Variants in TIAM1 observed in about 807,000 individuals in gnomAD.
TIAM1 encodes the protein TIAM Rac1 associated GEF 1, also known as rho guanine nucleotide exchange factor TIAM1.
Under a neutral mutation model 163.5 loss-of-function variants are expected in TIAM1, and 65 were observed. The ratio of observed to expected loss-of-function variants is 0.40; its 90% CI spans 0.33 to 0.49. TIAM1 has a LOEUF of 0.49. TIAM1 is among the 20% of genes least tolerant of loss of function. The pLI is 0.77. For missense variants in TIAM1, 1,789 were observed against 2,044.7 expected (o/e 0.87, Z 2.41); for synonymous variants, 833 against 810.1 (o/e 1.03, Z -0.48).
intron 2 of TIAM1, among the ~76,000 whole-genome samples, chr21:31,292,663 C>A (rs1431983897): frequency 6.7e-6 from 1 of 149,468 alleles, no homozygotes; most frequent in Non-Finnish European, 1.5e-5. Flanking sequence ...AGCCACCGTG[C>A]CTGGCACTTT....
chr21:31,250,391 T>G (rs1466362091), intron 5 of TIAM1, among the ~76,000 whole-genome samples: 1 of 152,182 alleles, frequency 6.6e-6, no homozygotes, highest in Non-Finnish European at 1.5e-5. Context: ...ATACCCTCCC[T>G]TCCTGTGTCA....
chr21:31,167,509 C>T (rs1310379040), intron 15 of TIAM1, among the ~76,000 whole-genome samples: 3 of 152,052 alleles, frequency 2.0e-5, no homozygotes, highest in South Asian at 2.1e-4. Context: ...AGCTGAGCTC[C>T]GAAAACTCTC....
rs555467306 is a variant in TIAM1, at chr21:31,458,199, C to T, written c.-369+5784G>A. Among the ~76,000 whole-genome samples, 3 of 152,286 alleles carry T rather than the reference C, an allele frequency of 2.0e-5. No homozygotes were observed. The South Asian group carries it at 6.2e-4, about 32-fold the overall frequency. On this transcript the variant is annotated intron_variant, in intron 2 of 28. Coordinates refer to the TIAM1 transcript ENST00000286827. ...CTTTGGGAGGCCAAGGTGGGTAGAT[C>T]ACCTAAGGTCAGGAGTTCAAGACCA...
intron 8 of TIAM1, among the ~76,000 whole-genome samples, chr21:31,222,531 G>A (rs1434662547): frequency 2.0e-5 from 3 of 151,504 alleles, no homozygotes; most frequent in Admixed American, 6.6e-5. Context: ...AGAGTTCTTC[G>A]CCTTGCTCTA....
chr21:31,154,197 C>T (rs2083506015), intron 17 of TIAM1, 50 bp downstream of exon 17: 1 of 1,582,226 alleles, frequency 6.3e-7, no homozygotes, highest in Non-Finnish European at 8.6e-7. Flanking sequence ...ACACCAACTT[C>T]ACTCCTTTAC....
Position 31,502,442 on chromosome 21 carries a change from A to T in TIAM1, c.-421-38407T>A, listed in dbSNP as rs77957354. On this transcript the variant is annotated intron_variant, in intron 1 of 28. Coordinates refer to the TIAM1 transcript ENST00000286827. ...TGTAAGCCACCGCACCCAGCCTGGA[A>T]GCAATTTTAAGAGAGGGCTGACTTC... 4.7e-3 allele frequency among the ~76,000 whole-genome samples: 716 copies of T among 152,188 alleles called. 4 individuals are homozygous for T. Among genetic ancestry groups the T allele is most frequent in the Non-Finnish European group, 7.2e-3 (492 of 67,996 alleles).
chr21:31,279,288 T>C (rs1027904868), intron 2 of TIAM1, among the ~76,000 whole-genome samples: 11 of 151,894 alleles, frequency 7.2e-5, no homozygotes, highest in Admixed American at 2.6e-4. Flanking sequence ...ATCCATGACA[T>C]GGACTAATGA....
chr21:31,400,252 G>C (rs1265911711), intron 2 of TIAM1, among the ~76,000 whole-genome samples: 1 of 151,570 alleles, frequency 6.6e-6, no homozygotes, highest in Non-Finnish European at 1.5e-5. Context: ...CTCAGCTCCC[G>C]AGTAGCTGGG....
chr21:31,470,001 ATT>A (rs540154867), intron 1 of TIAM1, among the ~76,000 whole-genome samples: 36,846 of 136,362 alleles, frequency 0.27, 5,567 homozygotes, highest in African/African-American at 0.41. Flanking sequence ...AAAACCTTGA[ATT>A]TTTTTTTTTT....
chr21:31,125,894 A>T (rs148887776), intron 26 of TIAM1, among the ~76,000 whole-genome samples: 1 of 152,194 alleles, frequency 6.6e-6, no homozygotes, highest in Non-Finnish European at 1.5e-5. Flanking sequence ...ATTCTCTATA[A>T]GGCCTTAGGC....
At chr21:31,471,815 G>T in intron 1 of TIAM1, among the ~76,000 whole-genome samples, 1 of 152,022 alleles carries the variant, frequency 6.6e-6, no homozygotes, top group Non-Finnish European at 1.5e-5. Flanking sequence ...GTTGCAGTAA[G>T]CTGAGATTGC....
intron 3 of TIAM1, among the ~76,000 whole-genome samples, chr21:31,269,494 C>G (rs1601773700): frequency 6.6e-6 from 1 of 152,188 alleles, no homozygotes; most frequent in East Asian, 1.9e-4. Context: ...GAAAGCTGTT[C>G]CTGAGAGGTT....
chr21:31,266,473 T>C lies in TIAM1; in HGVS notation c.500A>G (p.Lys167Arg). Reference sequence around the variant, plus strand: ...GATGTCTGCAGATTTGGAGCGTTTCTTCTTAAAGCTCGCCGTCTCCATGAA... The same window carrying C: ...GATGTCTGCAGATTTGGAGCGTTTCCTCTTAAAGCTCGCCGTCTCCATGAA... ...PTFMETASFK[K>R]KRSKSADIWR... The change falls in exon 4 of 28, where the codon AAG becomes AGG. Residue 167 changes from lysine (K) to arginine (R), a missense_variant. Lys to Arg is a conservative substitution (Grantham distance 26). Around this residue, in one of 5 missense-constraint regions of TIAM1, gnomAD observed 555 missense variants for 564.9 expected, o/e 0.98. Transcript: ENST00000541036. The C allele has an allele frequency of 6.2e-7, 1 of 1,614,232 alleles. No individual in the cohort carries two copies. The highest frequency in any genetic ancestry group is 8.5e-7 in the Non-Finnish European group (1 of 1,180,046).
intron 4 of TIAM1, among the ~76,000 whole-genome samples, chr21:31,254,745 T>G (rs1447452500): frequency 6.6e-6 from 1 of 152,118 alleles, no homozygotes; most frequent in Non-Finnish European, 1.5e-5. Context: ...GCCTTCCCCC[T>G]TTTCTTACCA....
chr21:31,182,098 C>G (rs926915805), intron 15 of TIAM1, among the ~76,000 whole-genome samples: 2 of 151,992 alleles, frequency 1.3e-5, no homozygotes, highest in Non-Finnish European at 1.5e-5. Flanking sequence ...CCCAACACTT[C>G]TGTGCCTCTG....
intron 2 of TIAM1, among the ~76,000 whole-genome samples, chr21:31,337,210 G>A (rs1338306853): frequency 1.3e-5 from 2 of 152,132 alleles, no homozygotes; most frequent in Non-Finnish European, 2.9e-5. Flanking sequence ...GATCTTGAAG[G>A]GAAGGAAGCC....
intron 8 of TIAM1, among the ~76,000 whole-genome samples, chr21:31,221,822 A>G (rs2087577125): frequency 6.6e-6 from 1 of 152,100 alleles, no homozygotes; most frequent in South Asian, 2.1e-4. Flanking sequence ...TTTTTTGTTT[A>G]TTTTTGTTTT....
intron 2 of TIAM1, among the ~76,000 whole-genome samples, chr21:31,415,209 A>G (rs2043330615): frequency 6.6e-6 from 1 of 152,252 alleles, no homozygotes; most frequent in South Asian, 2.1e-4. Flanking sequence ...ATGTCTCTAC[A>G]AAGTGCTTAG....
intron 2 of TIAM1, among the ~76,000 whole-genome samples, chr21:31,313,656 C>T (rs2075009496): frequency 6.6e-6 from 1 of 152,148 alleles, no homozygotes; most frequent in South Asian, 2.1e-4. Flanking sequence ...CTCACCGCAA[C>T]CTCCACCTCC....
Sources: gnomAD v4.1 joint callset for allele counts (sites outside exome capture counted in the v4.1 genomes callset) on GRCh38, gnomAD v4.1.1 for gene constraint, gnomAD v4.1.1 regional missense constraint, MANE v1.5 for transcripts, NCBI Gene and HGNC (gene_info 2026-07-23, HGNC 2026-07-21) for gene names.